The following DNAH9 variants were observed in gnomAD, a reference collection of about 807,000 sequenced individuals.
DNAH9 encodes the protein dynein axonemal heavy chain 9, also known as DNAH9 variant protein.
Under a neutral mutation model 471.6 loss-of-function variants are expected in DNAH9, and 345 were observed. The observed-to-expected ratio is 0.73, with a 90% CI of 0.67 to 0.80. The LOEUF is 0.80. Among genes scored for constraint, DNAH9 ranks in the 30% least tolerant of loss-of-function variants. The pLI is 0.00. For missense variants in DNAH9, 5,407 were observed against 5,609.2 expected (o/e 0.96, Z 1.15); for synonymous variants, 2,093 against 2,123.6 (o/e 0.99, Z 0.40).
intron 1 of DNAH9, among the ~76,000 whole-genome samples, chr17:11,605,475 G>GTTT (rs1386845395): frequency 1.4e-4 from 6 of 42,774 alleles, no homozygotes; most frequent in African/African-American, 5.5e-4. Context: ...TAGCTTTTTG[G>GTTT]TCTGTTGTTG....
chr17:11,787,201 G>A (rs1301532131), intron 41 of DNAH9, among the ~76,000 whole-genome samples: 1 of 152,234 alleles, frequency 6.6e-6, no homozygotes, highest in Non-Finnish European at 1.5e-5. Context: ...ACAGAAAAGT[G>A]AAAGTGATGT....
chr17:11,653,890 T>G (rs1404846006), intron 14 of DNAH9, among the ~76,000 whole-genome samples: 1 of 152,172 alleles, frequency 6.6e-6, no homozygotes, highest in African/African-American at 2.4e-5. Context: ...CGTCTTTCTT[T>G]CATCCAACTG....
At chr17:11,685,616 G>A (rs973091069) in intron 19 of DNAH9, among the ~76,000 whole-genome samples, 5 of 152,062 alleles carry the variant, frequency 3.3e-5, no homozygotes, top group Non-Finnish European at 7.4e-5. Context: ...ATAGATTACA[G>A]AGAGATTTAG....
At chr17:11,782,893 C>G (rs551001087) in intron 39 of DNAH9, among the ~76,000 whole-genome samples, 1 of 152,134 alleles carries the variant, frequency 6.6e-6, no homozygotes, top group South Asian at 2.1e-4. Flanking sequence ...AAGACTCCGT[C>G]TCAAAAAAAG....
rs9895562 is a variant in DNAH9, at chr17:11,702,700, G to C, written c.5151+1453G>C. The stretch of plus-strand genomic sequence containing the variant: ...TCTAAGAGATGAAGCAAAATAAAGA[G>C]GATGAAGAAGGTTCATGGATAAACT... On this transcript the variant is annotated intron_variant, in intron 24 of 68. Coordinates refer to ENST00000262442, the MANE Select transcript of DNAH9 (RefSeq NM_001372.4). 2.9e-3 allele frequency among the ~76,000 whole-genome samples: 449 copies of C among 152,310 alleles called. 2 individuals are homozygous for C. The highest frequency in any genetic ancestry group is 9.3e-3 in the African/African-American group (387 of 41,560).
chr17:11,632,854 A>G, intron 8 of DNAH9, 151 bp downstream of exon 8: 1 of 483,196 alleles, frequency 2.1e-6, no homozygotes, highest in Non-Finnish European at 3.7e-6. Flanking sequence ...AATCCTTCTT[A>G]TATCAAGAAA....
intron 33 of DNAH9, among the ~76,000 whole-genome samples, chr17:11,756,192 G>T (rs1012998703): frequency 6.6e-6 from 1 of 151,808 alleles, no homozygotes. Flanking sequence ...CAGGAGAATG[G>T]CATGAACCCT....
Position 11,799,591 on chromosome 17 carries a change from G to C in DNAH9, c.8420+1798G>C, listed in dbSNP as rs547425873. Among the ~76,000 whole-genome samples, 3 of 150,884 alleles carry C rather than the reference G, an allele frequency of 2.0e-5. No homozygotes were observed. In the East Asian group the frequency reaches 5.8e-4, roughly 29 times the overall value. ...GGGCTAGACCGCACTGTCTTTTTTT[G>C]TTGTTGTTGTTTTGAGAGGGAGTCT... is the stretch of plus-strand genomic sequence containing the variant. On this transcript the variant is annotated intron_variant, in intron 43 of 68. Transcript: ENST00000262442.
At chr17:11,632,138 T>G (rs924350465) in intron 7 of DNAH9, among the ~76,000 whole-genome samples, 3 of 152,258 alleles carry the variant, frequency 2.0e-5, no homozygotes, top group African/African-American at 7.2e-5. Flanking sequence ...ATTAGCTTTC[T>G]TTCCTCCTAA....
At chr17:11,668,700 C>T (rs1341741199) in intron 15 of DNAH9, among the ~76,000 whole-genome samples, 1 of 147,966 alleles carries the variant, frequency 6.8e-6, no homozygotes, top group African/African-American at 2.5e-5. Context: ...TCAATCTCTT[C>T]TCAACCAGAG....
intron 6 of DNAH9, among the ~76,000 whole-genome samples, chr17:11,621,572 T>C (rs916075024): frequency 6.6e-6 from 1 of 151,992 alleles, no homozygotes; most frequent in African/African-American, 2.4e-5. Flanking sequence ...GAACGTAAGA[T>C]TGGATCTGTT....
At position 11,874,925 on chromosome 17, in the gene DNAH9, G is replaced by A. The variant is rs539115697; in HGVS notation, c.10243-24G>A. On this transcript the variant is annotated intron_variant, in intron 52 of 68. Coordinates refer to ENST00000262442, the MANE Select transcript of DNAH9 (RefSeq NM_001372.4). ...GAATGTCTGCTTCTGTTCTGAGCGT[G>A]GGGTGGTGTTTCTTCTTCACCAGAC... 460 of 1,540,798 alleles carry A rather than the reference G, an allele frequency of 3.0e-4. 3 individuals carry two copies. The South Asian group carries it at 4.9e-3, about 17-fold the overall frequency.
chr17:11,601,819 G>T (rs1044016550), intron 1 of DNAH9, among the ~76,000 whole-genome samples: 1 of 152,020 alleles, frequency 6.6e-6, no homozygotes, highest in Non-Finnish European at 1.5e-5. Context: ...ATGCAGCATC[G>T]CTAAAGCCAG....
chr17:11,659,145 A>G (rs1194464954), intron 14 of DNAH9, among the ~76,000 whole-genome samples: 3 of 151,492 alleles, frequency 2.0e-5, no homozygotes, highest in Non-Finnish European at 2.9e-5. Flanking sequence ...GTGTTTGATA[A>G]TTATTTCTTA....
chr17:11,822,355 T>C, intron 46 of DNAH9, 83 bp from the exon 47 acceptor site: 3 of 1,497,674 alleles, frequency 2.0e-6, no homozygotes, highest in Non-Finnish European at 2.8e-6. Flanking sequence ...TTCTGGGAGC[T>C]AGAGAACCCA....
intron 68 of DNAH9, among the ~76,000 whole-genome samples, chr17:11,964,060 T>G (rs1228167032): frequency 2.0e-5 from 3 of 152,176 alleles, no homozygotes; most frequent in African/African-American, 4.8e-5. Context: ...TGTGAGATAA[T>G]ATGTTGTTTC....
intron 48 of DNAH9, among the ~76,000 whole-genome samples, chr17:11,827,113 C>A (rs1381823135): frequency 2.6e-5 from 4 of 152,082 alleles, no homozygotes; most frequent in Non-Finnish European, 5.9e-5. Context: ...GCGTGAGCCA[C>A]CATGCCTGGC....
chr17:11,682,459 G>A (rs1398002288), intron 19 of DNAH9, among the ~76,000 whole-genome samples: 1 of 150,596 alleles, frequency 6.6e-6, no homozygotes, highest in Non-Finnish European at 1.5e-5. Flanking sequence ...ACTCAGCCTG[G>A]CATACCTATT....
chr17:11,886,576 G>A (rs1414110033), intron 56 of DNAH9, among the ~76,000 whole-genome samples: 2 of 149,660 alleles, frequency 1.3e-5, no homozygotes, highest in Non-Finnish European at 3.0e-5. Flanking sequence ...GGCTTTCATG[G>A]CTCACGCTTC....
Sources: gnomAD v4.1 joint callset for allele counts (sites outside exome capture counted in the v4.1 genomes callset) on GRCh38, gnomAD v4.1.1 for gene constraint, MANE v1.5 for transcripts, NCBI Gene and HGNC (gene_info 2026-07-23, HGNC 2026-07-21) for gene names.